The following ZMYM2 variants were observed in gnomAD, a reference collection of about 807,000 sequenced individuals.
The protein encoded by ZMYM2 is zinc finger MYM-type containing 2, also known as zinc finger MYM-type protein 2.
ZMYM2 carries 56 observed loss-of-function variants against 162.8 expected under a neutral mutation model. That is an observed-to-expected ratio of 0.34 (90% CI 0.28 to 0.43). The LOEUF (loss-of-function observed/expected upper bound fraction) is 0.43, where lower values mean the gene tolerates loss of function less well. Ranked by LOEUF, ZMYM2 falls within the 20% of genes least tolerant of loss-of-function variation. The probability of loss-of-function intolerance (pLI) is 1.00; values close to 1 mark genes in which losing one functional copy is unlikely to be tolerated. For synonymous variants in ZMYM2, 510 were observed against 541.6 expected (o/e 0.94, Z 0.81); for missense variants, 1,275 against 1,621.8 (o/e 0.79, Z 3.67).
At chr13:19,885,965 GTATACACATATATATGTA>G in the ZMYM2 span, among the ~76,000 whole-genome samples, 29 of 91,294 alleles carry the variant, frequency 3.2e-4, 12 homozygotes, top group South Asian at 6.6e-4. Context: ...ATATATATGT[GTATACACATATATATGTA>G]TATACACATA....
chr13:19,911,949 C>T, the ZMYM2 span, among the ~76,000 whole-genome samples: 1 of 152,120 alleles, frequency 6.6e-6, no homozygotes, highest in African/African-American at 2.4e-5. Context: ...GTGGTGATTC[C>T]CACCACACCT....
chr13:20,066,720 A>T, intron 19 of ZMYM2, 131 bp from the exon 20 acceptor site: 1 of 785,666 alleles, frequency 1.3e-6, no homozygotes, highest in South Asian at 3.1e-5. Context: ...GTCCAAGTGG[A>T]CCCCTGCAGT....
chr13:20,014,485 G>C (rs1951451483), intron 6 of ZMYM2, among the ~76,000 whole-genome samples: 1 of 152,048 alleles, frequency 6.6e-6, no homozygotes, highest in South Asian at 2.1e-4. Context: ...TTTCATCTAG[G>C]CTGTGTAATT....
intron 21 of ZMYM2, among the ~76,000 whole-genome samples, chr13:20,079,100 CACA>C (rs1377797312): frequency 2.0e-5 from 3 of 151,366 alleles, no homozygotes; most frequent in Non-Finnish European, 2.9e-5. Flanking sequence ...GCAGGCAGAT[CACA>C]ACGTCAAGAG....
Position 20,088,758 on chromosome 13 carries a change from A to G in ZMYM2, c.*2744A>G. ...ATTGTACTATGCATTCAAATTTATCACTGTTTTTTCTGACAGACTTTCCCT... is the reference window on the plus strand; with the variant it reads ...ATTGTACTATGCATTCAAATTTATCGCTGTTTTTTCTGACAGACTTTCCCT... On this transcript the variant is annotated 3_prime_UTR_variant, in exon 25 of 25. Coordinates refer to ENST00000610343, the MANE Select transcript of ZMYM2 (RefSeq NM_197968.4). 1 of 195,304 alleles carries G rather than the reference A, an allele frequency of 5.1e-6. No individual in the cohort carries two copies. The allele number at this position is 195,304 out of a possible 1,614,324, so 12.1% of individuals were successfully genotyped here. A position where few individuals can be genotyped will look rare whatever the true frequency, so the allele number is the denominator to read the frequency against.
the ZMYM2 span, among the ~76,000 whole-genome samples, chr13:19,893,590 A>G: frequency 6.6e-6 from 1 of 151,482 alleles, no homozygotes; most frequent in Non-Finnish European, 1.5e-5. Context: ...ATACAAAAAC[A>G]TTAGCCAGGC....
rs1278710305 is a variant in ZMYM2 at position 19,962,498 on chromosome 13, T to G, written c.-11+2472T>G. Among the ~76,000 whole-genome samples, 3 of 75,554 alleles carry G rather than the reference T, an allele frequency of 4.0e-5. No individual in the cohort carries two copies. In the South Asian group the frequency reaches 1.8e-3, roughly 46 times the overall value. The allele number at this position is 75,554 out of a possible 152,430, so 49.6% of individuals were successfully genotyped here. A position where few individuals can be genotyped will look rare whatever the true frequency, so the allele number is the denominator to read the frequency against. On this transcript the variant is annotated intron_variant, in intron 2 of 24. Coordinates refer to ENST00000610343, the MANE Select transcript of ZMYM2 (RefSeq NM_197968.4). ...ACTGGGCTATTCAAATTGCATGGGA[T>G]ATATATATATATATATATTTTTTTT...
intron 14 of ZMYM2, among the ~76,000 whole-genome samples, chr13:20,056,768 T>G (rs1224013897): frequency 6.6e-6 from 1 of 152,104 alleles, no homozygotes; most frequent in Non-Finnish European, 1.5e-5. Context: ...GAAGGTGATA[T>G]CAGAATGGAA....
chr13:19,893,849 T>C, the ZMYM2 span, among the ~76,000 whole-genome samples: 1 of 151,950 alleles, frequency 6.6e-6, no homozygotes, highest in African/African-American at 2.4e-5. Context: ...TTTAAAGAGA[T>C]GAGGTCTTGC....
At chr13:20,085,188 C>G (rs971365072) in intron 24 of ZMYM2, among the ~76,000 whole-genome samples, 4 of 152,142 alleles carry the variant, frequency 2.6e-5, no homozygotes, top group Non-Finnish European at 5.9e-5. Context: ...CACATGAGGT[C>G]AGGTGTGGAA....
Position 20,067,317 on chromosome 13 carries a change from A to G in ZMYM2, c.3380A>G (p.Asn1127Ser), listed in dbSNP as rs766716720. 1.8e-5 allele frequency: 29 copies of G among 1,607,732 alleles called. No individual in the cohort carries two copies. The highest frequency in any genetic ancestry group is 2.4e-5 in the Non-Finnish European group (28 of 1,176,922). The change falls in exon 21 of 25, where the codon AAT becomes AGT. Residue 1127 changes from asparagine (N) to serine (S), a missense_variant. Asn to Ser is a conservative substitution (Grantham distance 46). This residue lies in a region of ZMYM2 where 229 missense variants were observed against 283.8 expected (regional missense o/e 0.81). Transcript: ENST00000610343. ...AACTATGGGTTAGCTCATTTTGTCAATGAGATCCGACGGCCAAATGGAGAG... is the reference window on the plus strand; with the variant it reads ...AACTATGGGTTAGCTCATTTTGTCAGTGAGATCCGACGGCCAAATGGAGAG... The part of the protein sequence containing the change: ...ELNYGLAHFV[N>S]EIRRPNGENY...
the ZMYM2 span, among the ~76,000 whole-genome samples, chr13:19,926,316 G>A: frequency 6.8e-6 from 1 of 148,132 alleles, no homozygotes; most frequent in South Asian, 2.1e-4. Context: ...AATAAAGGAT[G>A]TATTGTTTTT....
intron 6 of ZMYM2, among the ~76,000 whole-genome samples, chr13:20,008,579 T>C (rs1474368146): frequency 6.6e-6 from 1 of 152,264 alleles, no homozygotes; most frequent in African/African-American, 2.4e-5. Flanking sequence ...GGCACTGCCA[T>C]ATTAGTAGAT....
chr13:20,003,160 TAC>T (rs1172277873), intron 4 of ZMYM2, 25 bp downstream of exon 4: 4 of 1,587,498 alleles, frequency 2.5e-6, no homozygotes, highest in Middle Eastern at 3.4e-4. Flanking sequence ...TCAACATAAT[TAC>T]ATATAGTTGA....
chr13:19,895,543 A>T, the ZMYM2 span, among the ~76,000 whole-genome samples: 4 of 151,800 alleles, frequency 2.6e-5, no homozygotes, highest in African/African-American at 9.7e-5. Flanking sequence ...ATGGTGAGGG[A>T]GCTAGCTCTG....
chr13:19,965,250 G>T, intron 2 of ZMYM2: 1 of 1,301,208 alleles, frequency 7.7e-7, no homozygotes, highest in Non-Finnish European at 1.0e-6. Context: ...CTCTGCCGTA[G>T]TCACCTGGAT....
the ZMYM2 span, among the ~76,000 whole-genome samples, chr13:19,949,884 C>CAAAAA: frequency 1.1e-5 from 1 of 91,454 alleles, no homozygotes; most frequent in Non-Finnish European, 2.1e-5. Flanking sequence ...GAGACTTTGT[C>CAAAAA]AAAAAAAAAA....
chr13:20,081,973 TTTTC>T lies in ZMYM2; in HGVS notation c.3454-38_3454-35del, dbSNP rs1219306177. 4 of 1,312,290 alleles carry T rather than the reference TTTTC, an allele frequency of 3.0e-6. No homozygotes were observed. The African/African-American group carries it at 6.3e-5, about 21-fold the overall frequency. The allele number at this position is 1,312,290 out of a possible 1,614,324, so 81.3% of individuals were successfully genotyped here. On this transcript the variant is annotated intron_variant, in intron 21 of 24. Coordinates refer to ENST00000610343, the MANE Select transcript of ZMYM2 (RefSeq NM_197968.4). The stretch of plus-strand genomic sequence containing the variant: ...TAATATGTTTACTATAATTAGCTGA[TTTTC>T]TTTCAAGAAAGTTTGTGGGGCTTTT...
At chr13:20,043,138 C>T (rs1954426696) in intron 12 of ZMYM2, among the ~76,000 whole-genome samples, 1 of 152,120 alleles carries the variant, frequency 6.6e-6, no homozygotes, top group African/African-American at 2.4e-5. Flanking sequence ...GTGCTAAGTT[C>T]CTAACTCCTG....
Sources: allele counts gnomAD v4.1 joint callset (sites outside exome capture counted in the v4.1 genomes callset), GRCh38; gene constraint gnomAD v4.1.1; regional missense constraint gnomAD v4.1.1; transcripts MANE v1.5; gene names NCBI Gene and HGNC (gene_info 2026-07-23, HGNC 2026-07-21).